LEPR: variants seen among roughly 807,000 people sequenced by gnomAD.
LEPR encodes the protein OB receptor.
Under a neutral mutation model 114.7 loss-of-function variants are expected in LEPR, and 56 were observed. The observed-to-expected ratio is 0.49, with a 90% CI of 0.39 to 0.61. The LOEUF (loss-of-function observed/expected upper bound fraction) is 0.61. Among genes scored for constraint, LEPR ranks in the 20% least tolerant of loss-of-function variants. The pLI, the probability that LEPR is intolerant of heterozygous loss-of-function variation, is 0.00. For missense variants in LEPR, 1,202 were observed against 1,352.9 expected (o/e 0.89, Z 1.75); for synonymous variants, 443 against 461.4 (o/e 0.96, Z 0.51).
chr1:65,577,746 T>C (rs1654693295), intron 5 of LEPR: 1 of 163,062 alleles, frequency 6.1e-6, no homozygotes, highest in South Asian at 1.8e-4. Flanking sequence ...ACTTGGACCT[T>C]GAGTGAATCA....
intron 2 of LEPR, among the ~76,000 whole-genome samples, chr1:65,494,541 A>G (rs1648052882): frequency 6.6e-6 from 1 of 152,180 alleles, no homozygotes; most frequent in Non-Finnish European, 1.5e-5. Flanking sequence ...GTTTCTCAAA[A>G]TATCACTTAA....
chr1:65,528,472 C>A (rs934365405), intron 2 of LEPR, among the ~76,000 whole-genome samples: 5 of 152,042 alleles, frequency 3.3e-5, no homozygotes. Context: ...CTATGTTGCC[C>A]AGGCTGATTT....
chr1:65,479,400 A>G (rs116361406), intron 2 of LEPR, among the ~76,000 whole-genome samples: 2,253 of 152,264 alleles, frequency 0.015, 56 homozygotes, highest in African/African-American at 0.05. Flanking sequence ...ATAGAGGTAC[A>G]CTTCCCCTTT....
chr1:65,585,791 T>C (rs982581012), intron 5 of LEPR, among the ~76,000 whole-genome samples: 4 of 152,024 alleles, frequency 2.6e-5, no homozygotes, highest in Non-Finnish European at 5.9e-5. Context: ...GATGATCCTT[T>C]TATTCTCATA....
chr1:65,422,971 AG>A (rs1303040548), intron 1 of LEPR, among the ~76,000 whole-genome samples: 6 of 152,234 alleles, frequency 3.9e-5, no homozygotes, highest in Non-Finnish European at 8.8e-5. Flanking sequence ...GGCCTGCACC[AG>A]GGCTGTAGCA....
chr1:65,435,879 A>G (rs980652340), intron 2 of LEPR: 1 of 983,860 alleles, frequency 1.0e-6, no homozygotes, highest in Non-Finnish European at 1.2e-6. Context: ...AATCCCACTG[A>G]GTAATAGCTC....
intron 2 of LEPR, chr1:65,429,906 C>T: frequency 6.5e-7 from 1 of 1,539,606 alleles, no homozygotes; most frequent in South Asian, 1.2e-5. Context: ...GCCATCTCCC[C>T]CATCCCCCAT....
chr1:65,628,481 T>G (rs1453239821), intron 19 of LEPR, among the ~76,000 whole-genome samples: 2 of 152,190 alleles, frequency 1.3e-5, no homozygotes, highest in African/African-American at 4.8e-5. Context: ...ATTTATACTT[T>G]CCTACTTTCA....
intron 19 of LEPR, among the ~76,000 whole-genome samples, chr1:65,625,421 A>G (rs1163782233): frequency 6.6e-6 from 1 of 152,206 alleles, no homozygotes; most frequent in African/African-American, 2.4e-5. Context: ...GAAAAACACT[A>G]TGTGCTCCTG....
intron 2 of LEPR, among the ~76,000 whole-genome samples, chr1:65,469,007 G>A (rs927546016): frequency 1.3e-5 from 2 of 152,188 alleles, no homozygotes; most frequent in African/African-American, 4.8e-5. Flanking sequence ...TGAAAATCTA[G>A]ATTTACTTTT....
At chr1:65,482,815 G>A (rs1647282982) in intron 2 of LEPR, among the ~76,000 whole-genome samples, 1 of 151,924 alleles carries the variant, frequency 6.6e-6, no homozygotes, top group Non-Finnish European at 1.5e-5. Context: ...GTGAAACCCT[G>A]TCTCTACTAA....
chr1:65,519,144 C>CTTCT (rs1649501042), intron 2 of LEPR, among the ~76,000 whole-genome samples: 2 of 143,202 alleles, frequency 1.4e-5, no homozygotes, highest in Non-Finnish European at 3.0e-5. Context: ...TCCTTCCTTC[C>CTTCT]TTCCTTCCTT....
chr1:65,638,139 AGAAG>A lies in LEPR; in HGVS notation c.*1125_*1128del. Reference sequence around the variant, plus strand: ...TGAGGCGGGTGGATCGCTTGAGCTCAGAAGTCTTGAAACTAGCCGGGGCAACATA... The same window carrying A: ...TGAGGCGGGTGGATCGCTTGAGCTCATCTTGAAACTAGCCGGGGCAACATA... On this transcript the variant is annotated 3_prime_UTR_variant, in exon 20 of 20. Transcript: ENST00000349533. The A allele has an allele frequency of 6.6e-6, 1 of 152,242 alleles. No homozygotes were observed. Among genetic ancestry groups the A allele is most frequent in the South Asian group, 2.1e-4 (1 of 4,820 alleles). 9.4% of individuals were successfully genotyped at this position (152,242 alleles called of 1,614,324 possible). A position where few individuals can be genotyped will look rare whatever the true frequency, so the allele number is the denominator to read the frequency against.
intron 2 of LEPR, among the ~76,000 whole-genome samples, chr1:65,540,997 A>G (rs1027224546): frequency 6.6e-6 from 1 of 151,944 alleles, no homozygotes; most frequent in African/African-American, 2.4e-5. Context: ...ATGCATGGCT[A>G]ATTTTTATAT....
At chr1:65,551,837 G>A (rs1281483536) in intron 2 of LEPR, among the ~76,000 whole-genome samples, 2 of 152,204 alleles carry the variant, frequency 1.3e-5, no homozygotes, top group South Asian at 2.1e-4. Context: ...TCTCTTGTGG[G>A]CATTTAGTGC....
chr1:65,461,719 C>A (rs1646948651), intron 2 of LEPR, among the ~76,000 whole-genome samples: 1 of 152,148 alleles, frequency 6.6e-6, no homozygotes, highest in Non-Finnish European at 1.5e-5. Flanking sequence ...TGACTTCCTT[C>A]AAAATAATAC....
chr1:65,632,103 T>C (rs1225183411), intron 19 of LEPR, among the ~76,000 whole-genome samples: 1 of 152,188 alleles, frequency 6.6e-6, no homozygotes, highest in Admixed American at 6.5e-5. Flanking sequence ...ATCTAAAAAC[T>C]ATCTTAGATT....
chr1:65,524,253 C>T (rs776286464), intron 2 of LEPR, among the ~76,000 whole-genome samples: 27 of 152,154 alleles, frequency 1.8e-4, no homozygotes, highest in Non-Finnish European at 3.4e-4. Flanking sequence ...AAATAGTCTG[C>T]AGAAACCTAC....
chr1:65,634,973 G>C lies in LEPR; in HGVS notation c.2674-1218G>C, dbSNP rs115891706. The C allele has an allele frequency of 3.0e-3, 2,482 of 815,714 alleles. 52 individuals carry two copies. The African/African-American group carries it at 0.044, about 14-fold the overall frequency. The allele number at this position is 815,714 out of a possible 1,614,324, so 50.5% of individuals were successfully genotyped here. A position where few individuals can be genotyped will look rare whatever the true frequency, so the allele number is the denominator to read the frequency against. On this transcript the variant is annotated intron_variant, in intron 19 of 19. Transcript: ENST00000349533. ...TTAATTCAGTATTTGTCATTATGCA[G>C]TATTTTAATACCTACATAAGTCTAT...
Sources: allele counts gnomAD v4.1 joint callset (sites outside exome capture counted in the v4.1 genomes callset), GRCh38; gene constraint gnomAD v4.1.1; transcripts MANE v1.5; gene names NCBI Gene and HGNC (gene_info 2026-07-23, HGNC 2026-07-21).